The following GRIP1 variants were observed in gnomAD, a reference collection of about 807,000 sequenced individuals.
The protein encoded by GRIP1 is glutamate receptor-interacting protein 1.
GRIP1 carries 45 observed loss-of-function variants against 129.9 expected under a neutral mutation model. The ratio of observed to expected loss-of-function variants is 0.35; its 90% confidence interval spans 0.27 to 0.44. The LOEUF is 0.44. GRIP1 is among the 20% of genes least tolerant of loss of function. The pLI, the probability that GRIP1 is intolerant of heterozygous loss-of-function variation, is 1.00. For missense variants in GRIP1, 1,196 were observed against 1,396.8 expected (o/e 0.86, Z 2.29); for synonymous variants, 530 against 520.8 (o/e 1.02, Z -0.24).
chr12:66,958,744 A>G (rs1351789960), intron 1 of GRIP1, among the ~76,000 whole-genome samples: 1 of 152,208 alleles, frequency 6.6e-6, no homozygotes. Flanking sequence ...GTATTTAGGT[A>G]TTATAAACAA....
intron 1 of GRIP1, among the ~76,000 whole-genome samples, chr12:66,862,457 T>C (rs1375775221): frequency 1.3e-5 from 2 of 152,122 alleles, no homozygotes; most frequent in South Asian, 2.1e-4. Flanking sequence ...ACATTAATTA[T>C]GTAAGCTCTC....
intron 2 of GRIP1, among the ~76,000 whole-genome samples, chr12:66,571,251 G>A (rs1317487025): frequency 1.3e-5 from 2 of 152,146 alleles, no homozygotes; most frequent in African/African-American, 2.4e-5. Flanking sequence ...AATATTTACC[G>A]ATTTGTATTG....
intron 1 of GRIP1, among the ~76,000 whole-genome samples, chr12:66,694,655 T>C (rs1167277595): frequency 6.6e-6 from 1 of 152,200 alleles, no homozygotes; most frequent in Non-Finnish European, 1.5e-5. Flanking sequence ...TAAACAGTAA[T>C]ACTATTATTG....
At chr12:66,389,803 A>G (rs996951308) in intron 19 of GRIP1, among the ~76,000 whole-genome samples, 1 of 152,128 alleles carries the variant, frequency 6.6e-6, no homozygotes. Flanking sequence ...TCTGAATGTT[A>G]CACTTTAACG....
chr12:66,716,865 A>G (rs576025717), intron 1 of GRIP1, among the ~76,000 whole-genome samples: 101 of 152,116 alleles, frequency 6.6e-4, no homozygotes, highest in African/African-American at 2.2e-3. Flanking sequence ...ATGGTCCCCA[A>G]CTCTTAAGAC....
chr12:66,646,582 G>A (rs947414596), intron 1 of GRIP1, among the ~76,000 whole-genome samples: 1 of 152,206 alleles, frequency 6.6e-6, no homozygotes, highest in Non-Finnish European at 1.5e-5. Context: ...CCACATAAGA[G>A]AGGTACTGCT....
intron 1 of GRIP1, among the ~76,000 whole-genome samples, chr12:66,860,578 G>T (rs550942726): frequency 6.6e-6 from 1 of 152,054 alleles, no homozygotes; most frequent in African/African-American, 2.4e-5. Context: ...CCGAGTGTAA[G>T]TTCCCCGGTG....
intron 1 of GRIP1, among the ~76,000 whole-genome samples, chr12:66,872,767 TAAAATGTCAAG>T (rs1456863621): frequency 4.6e-5 from 7 of 152,176 alleles, no homozygotes; most frequent in Middle Eastern, 3.4e-3. Flanking sequence ...GCTCTGTCAT[TAAAATGTCAAG>T]TTTACCTTAT....
In GRIP1 at chr12:66,392,711, C is replaced by T; in HGVS notation, c.2235G>A (p.Glu745=). Residue 745 remains glutamate (E), a synonymous_variant, in exon 18 of 25, where the codon GAG becomes GAA. Coordinates refer to ENST00000359742, the MANE Select transcript of GRIP1 (RefSeq NM_001366722.1). ...EAIHLLQMAG[E]TVTLKIKKQT... is the part of the protein sequence containing the mutation. The stretch of plus-strand genomic sequence containing the variant: ...GTTTCTTAATTTTCAAGGTGACAGT[C>T]TCTCCTGCCATCTGTAACAAATGGA... 2.5e-6 allele frequency: 4 copies of T among 1,614,056 alleles called. No homozygotes were observed. Among genetic ancestry groups the T allele is most frequent in the Admixed American group, 1.7e-5 (1 of 60,020 alleles).
chr12:66,759,339 C>T (rs1270584732), intron 1 of GRIP1, among the ~76,000 whole-genome samples: 1 of 152,212 alleles, frequency 6.6e-6, no homozygotes, highest in Non-Finnish European at 1.5e-5. Flanking sequence ...CTAGGCTGCA[C>T]ACAGCATGGC....
intron 1 of GRIP1, among the ~76,000 whole-genome samples, chr12:66,630,707 T>A (rs867707420): frequency 3.3e-5 from 5 of 152,218 alleles, no homozygotes; most frequent in African/African-American, 1.2e-4. Flanking sequence ...AGTTACTCTC[T>A]TATGAATCAA....
chr12:66,701,118 A>T (rs1003303522), intron 1 of GRIP1, among the ~76,000 whole-genome samples: 4 of 152,130 alleles, frequency 2.6e-5, no homozygotes, highest in Non-Finnish European at 5.9e-5. Flanking sequence ...AAACCCGTGC[A>T]ACTAATAAAC....
At chr12:66,412,541 C>G (rs1003432796) in intron 15 of GRIP1, among the ~76,000 whole-genome samples, 19 of 152,136 alleles carry the variant, frequency 1.2e-4, no homozygotes, top group Non-Finnish European at 2.5e-4. Flanking sequence ...CTGAAATGCA[C>G]AGACCAGTGA....
chr12:66,416,519 C>T (rs2057609524), intron 15 of GRIP1, among the ~76,000 whole-genome samples: 1 of 151,468 alleles, frequency 6.6e-6, no homozygotes, highest in Non-Finnish European at 1.5e-5. Context: ...AGACTAATAA[C>T]AAAAATAAAA....
intron 1 of GRIP1, among the ~76,000 whole-genome samples, chr12:66,949,030 G>A (rs1420184635): frequency 6.6e-6 from 1 of 152,028 alleles, no homozygotes; most frequent in East Asian, 1.9e-4. Context: ...GGAAATTAAG[G>A]AGCAAAAGAA....
intron 9 of GRIP1, among the ~76,000 whole-genome samples, chr12:66,459,810 A>C (rs546837295): frequency 6.6e-6 from 1 of 152,208 alleles, no homozygotes; most frequent in South Asian, 2.1e-4. Flanking sequence ...TGTACACTCC[A>C]AATGTTTTCT....
intron 1 of GRIP1, among the ~76,000 whole-genome samples, chr12:66,886,643 C>T (rs1353175648): frequency 2.6e-5 from 4 of 152,280 alleles, no homozygotes; most frequent in African/African-American, 9.6e-5. Context: ...CATCCTCTAC[C>T]AACCCTGGAC....
chr12:66,881,007 C>T (rs1283452083), intron 1 of GRIP1, among the ~76,000 whole-genome samples: 75 of 146,772 alleles, frequency 5.1e-4, no homozygotes, highest in African/African-American at 1.6e-3. Flanking sequence ...TTTTTTTTTT[C>T]CTCTCTTTCA....
intron 5 of GRIP1, among the ~76,000 whole-genome samples, chr12:66,525,336 T>C (rs1335693983): frequency 1.3e-5 from 2 of 152,138 alleles, no homozygotes; most frequent in Non-Finnish European, 2.9e-5. Flanking sequence ...TCCACCATGA[T>C]CAAGTGGGCT....
Sources: allele counts gnomAD v4.1 joint callset (sites outside exome capture counted in the v4.1 genomes callset), GRCh38; gene constraint gnomAD v4.1.1; transcripts MANE v1.5; gene names NCBI Gene and HGNC (gene_info 2026-07-23, HGNC 2026-07-21).